The following NUDT12 variants were observed in gnomAD, a reference collection of about 807,000 sequenced individuals.
NUDT12 encodes NAD-capped RNA hydrolase NUDT12.
A neutral mutation model predicts 45.7 loss-of-function variants in NUDT12; 42 were observed. The ratio of observed to expected loss-of-function variants is 0.92; its 90% confidence interval spans 0.72 to 1.19. The LOEUF (loss-of-function observed/expected upper bound fraction) is 1.19, where lower values mean the gene tolerates loss of function less well. Among genes scored for constraint, NUDT12 ranks in the 50% most tolerant of loss-of-function variants. NUDT12 has a pLI of 0.00. For synonymous variants in NUDT12, 206 were observed against 179.7 expected, an observed-to-expected ratio of 1.15 and a Z score of -1.17; for missense variants, 590 against 533.1, an observed-to-expected ratio of 1.11 and a Z score of -1.05.
intron 1 of NUDT12, among the ~76,000 whole-genome samples, chr5:103,560,569 T>C (rs540696064): frequency 1.6e-5 from 2 of 121,356 alleles, no homozygotes; most frequent in African/African-American, 3.2e-5. Flanking sequence ...GTATTTAGGG[T>C]AGACCAGAGG....
chr5:103,560,194 A>G lies in NUDT12; in HGVS notation c.55T>C (p.Ser19Pro). 1.9e-6 allele frequency: 3 copies of G among 1,613,924 alleles called. No individual in the cohort carries two copies. Among genetic ancestry groups the G allele is most frequent in the Non-Finnish European group, 2.5e-6 (3 of 1,179,798 alleles). Residue 19 changes from serine to proline, a missense_variant, in exon 2 of 7, where the codon TCA (serine) becomes CCA (proline). Coordinates refer to ENST00000230792, the MANE Select transcript of NUDT12 (RefSeq NM_031438.4). ...KQEIVTQFHC[S>P]AAEGDIAKLT... ...TTGGCAATATCTCCTTCAGCAGCTG[A>G]ACAGTGAAACTGAGTAACTATTTCT... is the stretch of plus-strand genomic sequence containing the variant.
chr5:103,551,169 G>C (rs892767751), intron 6 of NUDT12, among the ~76,000 whole-genome samples, 198 bp from the exon 7 acceptor site: 2 of 151,896 alleles, frequency 1.3e-5, no homozygotes, highest in African/African-American at 2.4e-5. Context: ...ACCCAGACTG[G>C]AGTTGCAGTG....
Position 103,559,469 on chromosome 5 carries a change from C to G in NUDT12, c.207-1G>C, listed in dbSNP as rs760839879. On this transcript the variant is annotated splice_acceptor_variant, in intron 2 of 6. Coordinates refer to ENST00000230792, the MANE Select transcript of NUDT12 (RefSeq NM_031438.4). LOFTEE classifies it high-confidence loss of function. ...TTTATTGACAATTGATCTGTCACAC[C>G]TATAGATGGAAGAAAAAATTGGGGA... The G allele has an allele frequency of 2.1e-6, 3 of 1,407,226 alleles. No homozygotes were observed. The highest frequency in any genetic ancestry group is 2.6e-5 in the East Asian group (1 of 38,198). The allele number at this position is 1,407,226 out of a possible 1,614,324, so 87.2% of individuals were successfully genotyped here.
rs748830657 is a variant in NUDT12 at position 103,560,161 on chromosome 5, C to G, written c.88G>C (p.Gly30Arg). ...AGAGATGGAGAATGACTGAGTATTC[C>G]TGTTAACTTGGCAATATCTCCTTCA... is the stretch of plus-strand genomic sequence containing the variant. ...AAEGDIAKLT[G>R]ILSHSPSLLN... is the part of the protein sequence containing the mutation. Residue 30 changes from glycine (G) to arginine (R), a missense_variant, in exon 2 of 7, where the codon GGA (glycine) becomes CGA (arginine). By Grantham distance (125) the Gly-to-Arg change is moderately radical (BLOSUM62 -2). Transcript: ENST00000230792. The G allele has an allele frequency of 3.2e-5, 51 of 1,613,518 alleles. No individual in the cohort carries two copies. In the South Asian group the frequency reaches 5.6e-4, roughly 18 times the overall value.
At chr5:103,552,160 CA>C (rs1748672361) in intron 6 of NUDT12, 56 bp downstream of exon 6, 2 of 1,454,136 alleles carry the variant, frequency 1.4e-6, no homozygotes, top group Non-Finnish European at 1.9e-6. Context: ...GCTCTGTGAC[CA>C]AACCAATACA....
At position 103,560,266 on chromosome 5, in the gene NUDT12, G is replaced by C. The variant is rs1748992557; in HGVS notation, c.-6-12C>G. The C allele has an allele frequency of 6.4e-7, 1 of 1,563,566 alleles. No homozygotes were observed. Among genetic ancestry groups the C allele is most frequent in the African/African-American group, 1.4e-5 (1 of 73,708 alleles). On this transcript the variant is annotated splice_polypyrimidine_tract_variant and intron_variant, in intron 1 of 6. Coordinates refer to ENST00000230792, the MANE Select transcript of NUDT12 (RefSeq NM_031438.4). ...GAAGACATTTCTTCCTTAAAAGAAG[G>C]AAAATCAGGGGAAAAAGCTTATTTG... is the stretch of plus-strand genomic sequence containing the variant.
intron 6 of NUDT12, among the ~76,000 whole-genome samples, chr5:103,551,270 C>T (rs1239027120): frequency 2.0e-5 from 3 of 151,888 alleles, no homozygotes; most frequent in Admixed American, 2.0e-4. Context: ...ATAGGTGCAC[C>T]TGGCTAACTT....
chr5:103,559,232 G>T lies in NUDT12; in HGVS notation c.443C>A (p.Thr148Lys), dbSNP rs761351814. Residue 148 changes from threonine to lysine, a missense_variant, in exon 3 of 7, where the codon ACA (threonine) becomes AAA (lysine). Physicochemically the swap from Thr to Lys is moderately conservative, Grantham distance 78 (BLOSUM62 -1). Transcript: ENST00000230792. ...WLLAKESHPA[T>K]VFILFSDLNP... ...TAAATCTGAGAAAAGAATAAAAACT[G>T]TGGCTGGATGGCTTTCTTTAGCTAG... The T allele has an allele frequency of 1.9e-5, 30 of 1,570,266 alleles. No homozygotes were observed. In the Admixed American group the frequency reaches 4.0e-4, roughly 21 times the overall value.
In NUDT12 at chr5:103,559,146, A is replaced by C. The variant is rs1309630856; in HGVS notation, c.529T>G (p.Cys177Gly). The C allele has an allele frequency of 1.1e-5, 18 of 1,574,784 alleles. No individual in the cohort carries two copies. Among genetic ancestry groups the C allele is most frequent in the African/African-American group, 2.7e-5 (2 of 73,220 alleles). The change falls in exon 3 of 7, where the codon TGT becomes GGT. Residue 177 changes from cysteine (C) to glycine (G), a missense_variant. Cys to Gly is a radical substitution (Grantham distance 159). Transcript: ENST00000230792. ...ESFQQPEVRL[C>G]QLNYTDIKDY... is the part of the protein sequence containing the mutation. ...TTTATATCTGTGTAGTTCAGCTGAC[A>C]AAGCCTAACTTCTGGCTGTTGGAAA...
In NUDT12 at chr5:103,554,806, G is replaced by A; in HGVS notation, c.1012C>T (p.Leu338Phe). The change falls in exon 5 of 7, where the codon CTT becomes TTT. Residue 338 changes from leucine (L) to phenylalanine (F), a missense_variant. Transcript: ENST00000230792. ...GGAAATCTTTTCTGCCTGCCTAAAA[G>A]GCATTTGGTCCCATCTGGATGAATA... is the stretch of plus-strand genomic sequence containing the variant. ...QVIHPDGTKCLLGRQKRFPPG... is the reference protein window; with the variant it reads ...QVIHPDGTKCFLGRQKRFPPG... 6.4e-7 allele frequency: 1 copy of A among 1,566,304 alleles called. No individual in the cohort carries two copies. Among genetic ancestry groups the A allele is most frequent in the South Asian group, 1.2e-5 (1 of 85,032 alleles).
chr5:103,549,414 T>C lies in NUDT12; in HGVS notation c.*1447A>G, dbSNP rs893848918. 1 of 152,020 alleles carries C rather than the reference T, an allele frequency of 6.6e-6. No homozygotes were observed. Among genetic ancestry groups the C allele is most frequent in the Admixed American group, 6.6e-5 (1 of 15,260 alleles). The allele number at this position is 152,020 out of a possible 1,614,324, so 9.4% of individuals were successfully genotyped here. On this transcript the variant is annotated 3_prime_UTR_variant, in exon 7 of 7. Transcript: ENST00000230792. ...TTATTTAAGTTAAATAAATGTTAAG[T>C]ATCTAAAATTTTAATTAACAATATT...
chr5:103,557,892 T>G (rs1328322591), intron 3 of NUDT12, among the ~76,000 whole-genome samples: 4 of 152,084 alleles, frequency 2.6e-5, no homozygotes, highest in African/African-American at 7.2e-5. Context: ...GACTGCCATA[T>G]GGGTATTTCC....
intron 1 of NUDT12, among the ~76,000 whole-genome samples, chr5:103,560,695 A>T (rs2112459035): frequency 6.6e-6 from 1 of 152,280 alleles, no homozygotes; most frequent in East Asian, 1.9e-4. Context: ...TGCACAATTA[A>T]TTCTGTAATC....
At chr5:103,556,179 C>T (rs1029488418) in intron 3 of NUDT12, 81 bp from the exon 4 acceptor site, 2 of 977,910 alleles carry the variant, frequency 2.0e-6, no homozygotes, top group Non-Finnish European at 2.8e-6. Context: ...TCTCAAGCTA[C>T]AATAAGAATA....
At position 103,559,304 on chromosome 5, in the gene NUDT12, G is replaced by GT; in HGVS notation, c.370dup (p.Thr124AsnfsTer8). 6.2e-7 allele frequency: 1 copy of GT among 1,612,364 alleles called. No individual in the cohort carries two copies. The highest frequency in any genetic ancestry group is 8.5e-7 in the Non-Finnish European group (1 of 1,179,344). Reference sequence around the variant, plus strand: ...CTTTTCACTTTTCCGGTCCAGTAGTGTTTTGCTAAAATAATTTTCACATTC... The same window carrying GT: ...CTTTTCACTTTTCCGGTCCAGTAGTGTTTTTGCTAAAATAATTTTCACATTC... On this transcript the variant is annotated frameshift_variant, in exon 3 of 7. Transcript: ENST00000230792. LOFTEE classifies it high-confidence loss of function.
intron 2 of NUDT12, 77 bp from the exon 3 acceptor site, chr5:103,559,545 A>T (rs1748964080): frequency 2.8e-6 from 2 of 708,088 alleles, no homozygotes; most frequent in Admixed American, 3.3e-5. Context: ...TTTCACTAAA[A>T]TATTTCCAGA....
chr5:103,559,436 T>G lies in NUDT12; in HGVS notation c.239A>C (p.Gln80Pro). ...AAATACAGCAATGTCCAGTGCAGTC[T>G]GCCTTGATTTATTGACAATTGATCT... is the stretch of plus-strand genomic sequence containing the variant. Reference protein sequence around the residue: ...CDRSIVNKSRQTALDIAVFWG... With the variant: ...CDRSIVNKSRPTALDIAVFWG... Residue 80 changes from glutamine (Q) to proline (P), a missense_variant, in exon 3 of 7, where the codon CAG becomes CCG. Gln to Pro is a moderately conservative substitution (Grantham distance 76, BLOSUM62 -1). Coordinates refer to ENST00000230792, the MANE Select transcript of NUDT12 (RefSeq NM_031438.4). 2 of 1,552,996 alleles carry G rather than the reference T, an allele frequency of 1.3e-6. No homozygotes were observed. Among genetic ancestry groups the G allele is most frequent in the Non-Finnish European group, 1.7e-6 (2 of 1,153,246 alleles).
intron 2 of NUDT12, 39 bp downstream of exon 2, chr5:103,560,004 C>T (rs753247512): frequency 1.4e-6 from 2 of 1,428,366 alleles, no homozygotes; most frequent in Non-Finnish European, 2.0e-6. Flanking sequence ...AGAAATTAAA[C>T]CACAAACCCT....
At chr5:103,558,210 C>T (rs988502) in intron 3 of NUDT12, among the ~76,000 whole-genome samples, 144 of 152,076 alleles carry the variant, frequency 9.5e-4, no homozygotes, top group African/African-American at 3.4e-3. Context: ...TAATTCATGC[C>T]ATATTACCAC....
Sources: gnomAD v4.1 joint callset for allele counts (sites outside exome capture counted in the v4.1 genomes callset) on GRCh38, gnomAD v4.1.1 for gene constraint, MANE v1.5 for transcripts, NCBI Gene and HGNC (gene_info 2026-07-23, HGNC 2026-07-21) for gene names.